KCND2: variants seen among roughly 807,000 people sequenced by gnomAD.
KCND2 encodes the protein potassium voltage-gated channel subfamily D member 2, also known as A-type voltage-gated potassium channel KCND2.
KCND2 carries 16 observed loss-of-function variants against 54.4 expected under a neutral mutation model. The observed-to-expected ratio is 0.29, with a 90% CI of 0.20 to 0.45. The LOEUF (loss-of-function observed/expected upper bound fraction) is 0.45. Among genes scored for constraint, KCND2 ranks in the 20% least tolerant of loss-of-function variants. The pLI, the probability that KCND2 is intolerant of heterozygous loss-of-function variation, is 1.00. For synonymous variants in KCND2, 317 were observed against 310.7 expected (o/e 1.02, Z -0.21); for missense variants, 486 against 824.2 (o/e 0.59, Z 5.02).
chr7:120,382,071 G>C (rs1436355814), intron 1 of KCND2, among the ~76,000 whole-genome samples: 1 of 151,790 alleles, frequency 6.6e-6, no homozygotes, highest in Non-Finnish European at 1.5e-5. Context: ...TTTTTCTTGA[G>C]GAGTTTGAAA....
Position 120,526,293 on chromosome 7 carries a change from A to C in KCND2, c.1116-206610A>C, listed in dbSNP as rs1791773229. Among the ~76,000 whole-genome samples, 3 of 152,302 alleles carry C rather than the reference A, an allele frequency of 2.0e-5. No individual in the cohort carries two copies. In the South Asian group the frequency reaches 6.2e-4, roughly 32 times the overall value. ...AGAAGGAGAAATGGATCTTAAATCA[A>C]AGGGTTTCAGATGAATCTCAACTAG... On this transcript the variant is annotated intron_variant, in intron 1 of 5. Coordinates refer to ENST00000331113, the MANE Select transcript of KCND2 (RefSeq NM_012281.3).
intron 1 of KCND2, among the ~76,000 whole-genome samples, chr7:120,368,555 A>C (rs2116412102): frequency 6.6e-6 from 1 of 152,204 alleles, no homozygotes; most frequent in African/African-American, 2.4e-5. Context: ...TAAGTTAAAA[A>C]ATATTTGAGA....
chr7:120,350,036 CTT>C lies in KCND2; in HGVS notation c.1115+74291_1115+74292del, dbSNP rs199889974. Reference sequence around the variant, plus strand: ...TATTTATTGGATAAGACTTTTATAACTTTATATAACATAAAGAATGTTTTACA... The same window carrying C: ...TATTTATTGGATAAGACTTTTATAACTATATAACATAAAGAATGTTTTACA... On this transcript the variant is annotated intron_variant, in intron 1 of 5. Transcript: ENST00000331113. Among the ~76,000 whole-genome samples the C allele has an allele frequency of 8.4e-3, 1,275 of 151,892 alleles. 10 individuals carry two copies. Among genetic ancestry groups the C allele is most frequent in the African/African-American group, 0.029 (1,203 of 41,446 alleles).
At chr7:120,338,981 C>T (rs1422051524) in intron 1 of KCND2, among the ~76,000 whole-genome samples, 3 of 151,738 alleles carry the variant, frequency 2.0e-5, no homozygotes, top group Admixed American at 6.6e-5. Context: ...CCCGAGTTCA[C>T]GCCATTCTCC....
chr7:120,538,874 G>A (rs1791944409), intron 1 of KCND2, among the ~76,000 whole-genome samples: 1 of 152,150 alleles, frequency 6.6e-6, no homozygotes, highest in African/African-American at 2.4e-5. Flanking sequence ...TATACAGGCT[G>A]GAGGACTGCC....
At chr7:120,369,507 A>G (rs1344170284) in intron 1 of KCND2, among the ~76,000 whole-genome samples, 1 of 152,106 alleles carries the variant, frequency 6.6e-6, no homozygotes, top group African/African-American at 2.4e-5. Context: ...CCGCAGTCTC[A>G]GGGCTTCTGA....
intron 1 of KCND2, among the ~76,000 whole-genome samples, chr7:120,489,964 T>C (rs1275331066): frequency 6.6e-6 from 1 of 151,820 alleles, no homozygotes; most frequent in Non-Finnish European, 1.5e-5. Flanking sequence ...AAAAAGAAAA[T>C]GGAGAATGGG....
At chr7:120,677,762 T>C (rs1445305728) in intron 1 of KCND2, among the ~76,000 whole-genome samples, 2 of 151,994 alleles carry the variant, frequency 1.3e-5, no homozygotes, top group African/African-American at 2.4e-5. Context: ...CTTTCATTTT[T>C]GCTTTCAAAA....
chr7:120,692,771 G>A (rs999646429), intron 1 of KCND2, among the ~76,000 whole-genome samples: 3 of 152,206 alleles, frequency 2.0e-5, no homozygotes, highest in African/African-American at 7.2e-5. Context: ...GCCTGGGAGA[G>A]GATTCAGCCC....
chr7:120,411,157 T>C (rs1327966606), intron 1 of KCND2, among the ~76,000 whole-genome samples: 1 of 152,074 alleles, frequency 6.6e-6, no homozygotes, highest in Admixed American at 6.6e-5. Flanking sequence ...TCTTTTTCAA[T>C]GTAAAAATCT....
intron 1 of KCND2, among the ~76,000 whole-genome samples, chr7:120,710,723 G>T (rs1377673007): frequency 2.6e-5 from 4 of 152,030 alleles, no homozygotes; most frequent in African/African-American, 9.7e-5. Context: ...AAGTTTTTAG[G>T]TCTGTTTGAC....
intron 1 of KCND2, among the ~76,000 whole-genome samples, chr7:120,609,434 G>A (rs1434419387): frequency 6.6e-6 from 1 of 152,098 alleles, no homozygotes. Flanking sequence ...CTGAGGCTTT[G>A]CCAGAAACCG....
chr7:120,299,052 C>G (rs1799550032), intron 1 of KCND2, among the ~76,000 whole-genome samples: 1 of 151,920 alleles, frequency 6.6e-6, no homozygotes, highest in Non-Finnish European at 1.5e-5. Context: ...CTCAGCTACT[C>G]AAGAAACTGA....
At chr7:120,577,805 T>G (rs1584836314) in intron 1 of KCND2, among the ~76,000 whole-genome samples, 1 of 152,322 alleles carries the variant, frequency 6.6e-6, no homozygotes, top group East Asian at 1.9e-4. Flanking sequence ...CAGGATGGTC[T>G]TGATCTCCTG....
intron 1 of KCND2, among the ~76,000 whole-genome samples, chr7:120,488,048 G>T (rs139273903): frequency 1.1e-4 from 17 of 151,990 alleles, no homozygotes; most frequent in African/African-American, 3.4e-4. Flanking sequence ...AAAAAAAACT[G>T]GTTTGGCATG....
intron 1 of KCND2, among the ~76,000 whole-genome samples, chr7:120,308,190 C>G (rs1182710295): frequency 6.6e-6 from 1 of 152,080 alleles, no homozygotes; most frequent in East Asian, 1.9e-4. Context: ...AAAAATCTCT[C>G]TTAGCCATAT....
intron 1 of KCND2, among the ~76,000 whole-genome samples, chr7:120,604,339 TAA>T (rs5886994): frequency 0.065 from 8,028 of 123,348 alleles, 259 homozygotes; most frequent in African/African-American, 0.086. Flanking sequence ...CCGTCTTTAC[TAA>T]AAAAAAAAAA....
At chr7:120,502,815 A>T in intron 1 of KCND2, among the ~76,000 whole-genome samples, 1 of 151,956 alleles carries the variant, frequency 6.6e-6, no homozygotes, top group Non-Finnish European at 1.5e-5. Flanking sequence ...TCCCAGTGGT[A>T]CCATTGAATC....
At chr7:120,702,690 C>G (rs895210450) in intron 1 of KCND2, among the ~76,000 whole-genome samples, 2 of 152,030 alleles carry the variant, frequency 1.3e-5, no homozygotes, top group African/African-American at 4.8e-5. Context: ...TAAGGAATTC[C>G]AAATACCACA....
Sources: allele counts gnomAD v4.1 joint callset (sites outside exome capture counted in the v4.1 genomes callset), GRCh38; gene constraint gnomAD v4.1.1; transcripts MANE v1.5; gene names NCBI Gene and HGNC (gene_info 2026-07-23, HGNC 2026-07-21).